TENM3: variants seen among roughly 807,000 people sequenced by gnomAD.
TENM3 encodes teneurin transmembrane protein 3, also known as teneurin-3.
TENM3 carries 63 observed loss-of-function variants against 255.1 expected under a neutral mutation model. The observed-to-expected ratio is 0.25, with a 90% confidence interval of 0.20 to 0.30. The LOEUF (loss-of-function observed/expected upper bound fraction) is 0.30. TENM3 is among the 10% of genes least tolerant of loss of function. TENM3 has a pLI of 1.00. For missense variants in TENM3, 2,929 were observed against 3,461.1 expected, an observed-to-expected ratio of 0.85 and a Z score of 3.86; for synonymous variants, 1,306 against 1,322.3, an observed-to-expected ratio of 0.99 and a Z score of 0.27.
the TENM3 span, among the ~76,000 whole-genome samples, chr4:181,788,531 C>G: frequency 6.6e-6 from 1 of 152,102 alleles, no homozygotes; most frequent in Non-Finnish European, 1.5e-5. Flanking sequence ...GGATGGAAAC[C>G]CACACAATGT....
At chr4:182,100,874 T>G in the TENM3 span, among the ~76,000 whole-genome samples, 377 of 39,570 alleles carry the variant, frequency 9.5e-3, 135 homozygotes, top group African/African-American at 0.052. Context: ...TATATATATA[T>G]AGAGAGAGAG....
intron 4 of TENM3, among the ~76,000 whole-genome samples, chr4:182,606,530 A>T (rs550981076): frequency 5.5e-3 from 832 of 151,268 alleles, no homozygotes; most frequent in Middle Eastern, 0.014. Context: ...TCTCAAAAAA[A>T]AAAAAAAAAA....
intron 3 of TENM3, among the ~76,000 whole-genome samples, chr4:182,501,200 A>G (rs530913601): frequency 6.6e-6 from 1 of 152,278 alleles, no homozygotes; most frequent in East Asian, 1.9e-4. Context: ...AGGTATCTTT[A>G]GTTCAACAGC....
At chr4:182,248,696 A>G (rs982052072) in intron 1 of TENM3, among the ~76,000 whole-genome samples, 7 of 152,222 alleles carry the variant, frequency 4.6e-5, no homozygotes, top group African/African-American at 9.6e-5. Context: ...ATTTTCCTTC[A>G]TTCATTCAAC....
intron 1 of TENM3, among the ~76,000 whole-genome samples, chr4:182,206,688 A>G (rs568748980): frequency 6.6e-6 from 1 of 152,256 alleles, no homozygotes; most frequent in Non-Finnish European, 1.5e-5. Flanking sequence ...GGTGGTTTCT[A>G]TTCTTTTCTT....
At chr4:181,451,767 G>C in the TENM3 span, among the ~76,000 whole-genome samples, 1 of 152,180 alleles carries the variant, frequency 6.6e-6, no homozygotes, top group African/African-American at 2.4e-5. Flanking sequence ...GAATACCTAA[G>C]ATGCATATAT....
the TENM3 span, among the ~76,000 whole-genome samples, chr4:181,562,629 G>C: frequency 1.3e-5 from 2 of 151,532 alleles, no homozygotes; most frequent in Non-Finnish European, 2.9e-5. Flanking sequence ...CCACTTTCCA[G>C]CCTGTGATGG....
At chr4:182,159,813 C>T (rs913210459) in intron 1 of TENM3, among the ~76,000 whole-genome samples, 3 of 152,072 alleles carry the variant, frequency 2.0e-5, no homozygotes, top group Non-Finnish European at 2.9e-5. Context: ...CTCATACTGA[C>T]GGTCCACAGT....
At chr4:181,583,240 T>C in the TENM3 span, among the ~76,000 whole-genome samples, 2 of 152,120 alleles carry the variant, frequency 1.3e-5, no homozygotes, top group Non-Finnish European at 1.5e-5. Flanking sequence ...AAACGATCTG[T>C]GTGATCAGAG....
In TENM3 at chr4:182,714,156, G is replaced by A; in HGVS notation, c.2291G>A (p.Cys764Tyr). Residue 764 changes from cysteine (C) to tyrosine (Y), a missense_variant, in exon 13 of 28, where the codon TGC becomes TAC. This residue lies in a region of TENM3 where 1,608 missense variants were observed against 1,884.4 expected (regional missense o/e 0.85). Coordinates refer to ENST00000511685, the MANE Select transcript of TENM3 (RefSeq NM_001080477.4). The part of the protein sequence containing the change: ...TLDQNGWHCV[C>Y]QPGWRGAGCD... The stretch of plus-strand genomic sequence containing the variant: ...GACCAAAATGGCTGGCATTGTGTGT[G>A]CCAGCCTGGATGGAGAGGAGCAGGC... The A allele has an allele frequency of 6.2e-7, 1 of 1,613,766 alleles. No individual in the cohort carries two copies. Among genetic ancestry groups the A allele is most frequent in the Non-Finnish European group, 8.5e-7 (1 of 1,179,720 alleles).
chr4:182,219,409 C>A (rs1755714918), intron 1 of TENM3, among the ~76,000 whole-genome samples: 1 of 152,094 alleles, frequency 6.6e-6, no homozygotes, highest in African/African-American at 2.4e-5. Flanking sequence ...TAAAATCCAA[C>A]CCATCACCGT....
chr4:182,068,017 G>A, the TENM3 span, among the ~76,000 whole-genome samples: 1 of 152,034 alleles, frequency 6.6e-6, no homozygotes, highest in East Asian at 1.9e-4. Context: ...CACCATGCTG[G>A]GTATACCATT....
intron 1 of TENM3, among the ~76,000 whole-genome samples, chr4:182,167,053 A>G (rs919952847): frequency 2.0e-5 from 3 of 152,166 alleles, no homozygotes; most frequent in African/African-American, 4.8e-5. Context: ...GGTGTGCTCT[A>G]TGGTTAACTG....
At chr4:182,729,762 TTC>T (rs1760539339) in intron 14 of TENM3, among the ~76,000 whole-genome samples, 1 of 152,226 alleles carries the variant, frequency 6.6e-6, no homozygotes, top group Non-Finnish European at 1.5e-5. Context: ...CAGCAGTTGA[TTC>T]AAAGTTGCTG....
the TENM3 span, among the ~76,000 whole-genome samples, chr4:181,462,138 A>G: frequency 1.3e-5 from 2 of 152,190 alleles, no homozygotes; most frequent in African/African-American, 2.4e-5. Flanking sequence ...ATCCCATTTG[A>G]GAAATGTAGA....
rs1431125753 is a variant in TENM3 at position 182,793,700 on chromosome 4, A to G, written c.7028A>G (p.Tyr2343Cys). Reference protein sequence around the residue: ...QLVIGFHGGLYDPLTKLIHFG... With the variant: ...QLVIGFHGGLCDPLTKLIHFG... The stretch of plus-strand genomic sequence containing the variant: ...GTAATTGGATTTCATGGTGGCCTGT[A>G]TGACCCACTCACCAAATTAATCCAC... The change falls in exon 26 of 28, where the codon TAT becomes TGT. Residue 2343 changes from tyrosine to cysteine, a missense_variant. Transcript: ENST00000511685. This position sits in a 1 kb window ranked among gnomAD's most constrained non-coding sequence, Gnocchi z 5.7. 9 of 1,613,936 alleles carry G rather than the reference A, an allele frequency of 5.6e-6. No individual in the cohort carries two copies. The highest frequency in any genetic ancestry group is 7.6e-6 in the Non-Finnish European group (9 of 1,179,896).
chr4:182,393,332 T>G (rs1768567720), intron 3 of TENM3, among the ~76,000 whole-genome samples: 1 of 152,120 alleles, frequency 6.6e-6, no homozygotes, highest in Admixed American at 6.5e-5. Flanking sequence ...ATGCGATGGA[T>G]GGTCCTGTAT....
At chr4:181,944,751 C>T in the TENM3 span, among the ~76,000 whole-genome samples, 1 of 152,024 alleles carries the variant, frequency 6.6e-6, no homozygotes, top group African/African-American at 2.4e-5. Context: ...TGCCTTGCCG[C>T]CAACGGGCCA....
At chr4:181,764,952 C>T in the TENM3 span, among the ~76,000 whole-genome samples, 6 of 152,126 alleles carry the variant, frequency 3.9e-5, no homozygotes, top group Admixed American at 3.9e-4. Flanking sequence ...ACCTCAGGCT[C>T]CTAAAGTGCT....
Sources: gnomAD v4.1 joint callset for allele counts (sites outside exome capture counted in the v4.1 genomes callset) on GRCh38, gnomAD v4.1.1 for gene constraint, gnomAD v4.1.1 regional missense constraint, Gnocchi (gnomAD v3.1) non-coding constraint, MANE v1.5 for transcripts, NCBI Gene and HGNC (gene_info 2026-07-23, HGNC 2026-07-21) for gene names.